PATJ: variants seen among roughly 807,000 people sequenced by gnomAD.
The protein encoded by PATJ is PATJ crumbs cell polarity complex component, also known as inaD-like protein.
PATJ carries 190 observed loss-of-function variants against 224.9 expected under a neutral mutation model. The observed-to-expected ratio is 0.84, with a 90% CI of 0.75 to 0.95. The LOEUF (loss-of-function observed/expected upper bound fraction) is 0.95, where lower values mean the gene tolerates loss of function less well. Ranked by LOEUF, PATJ falls within the 40% of genes least tolerant of loss-of-function variation. The probability of loss-of-function intolerance (pLI) is 0.00; values close to 1 mark genes in which losing one functional copy is unlikely to be tolerated. For synonymous variants in PATJ, 769 were observed against 820.3 expected (o/e 0.94, Z 1.07); for missense variants, 2,121 against 2,270.3 (o/e 0.93, Z 1.34).
intron 14 of PATJ, among the ~76,000 whole-genome samples, chr1:61,811,679 G>A (rs1250056556): frequency 1.4e-5 from 2 of 147,430 alleles, no homozygotes; most frequent in East Asian, 2.0e-4. Flanking sequence ...CATCTATTAA[G>A]TGCTTAATTT....
chr1:61,881,954 C>T lies in PATJ; in HGVS notation c.2960-2283C>T, dbSNP rs556196612. Among the ~76,000 whole-genome samples the T allele has an allele frequency of 1.4e-3, 213 of 152,204 alleles. 2 individuals are homozygous for T. The Middle Eastern group carries it at 0.02, about 15-fold the overall frequency. ...TGTAGATTTCTTTGTTTTTCTACTT[C>T]GGAAAACAGTATACTCATATTTTTT... On this transcript the variant is annotated intron_variant, in intron 21 of 43. Transcript: ENST00000642238.
chr1:61,801,404 A>G (rs1234458243), intron 11 of PATJ, among the ~76,000 whole-genome samples: 1 of 152,170 alleles, frequency 6.6e-6, no homozygotes, highest in African/African-American at 2.4e-5. Flanking sequence ...TAATCCATTA[A>G]TAAGTTCATT....
At chr1:61,873,367 G>A (rs564933433) in intron 20 of PATJ, among the ~76,000 whole-genome samples, 25 of 151,792 alleles carry the variant, frequency 1.6e-4, no homozygotes, top group African/African-American at 5.1e-4. Context: ...ATGGGGTTTC[G>A]CCATATTGAC....
chr1:61,855,937 C>A, intron 17 of PATJ, 93 bp from the exon 18 acceptor site: 1 of 851,672 alleles, frequency 1.2e-6, no homozygotes, highest in South Asian at 1.5e-5. Context: ...AGTAAGTGGT[C>A]AAATAAGATT....
chr1:61,797,280 G>A lies in PATJ; in HGVS notation c.1261-7G>A. The A allele has an allele frequency of 1.2e-6, 2 of 1,610,034 alleles. No individual in the cohort carries two copies. Among genetic ancestry groups the A allele is most frequent in the Non-Finnish European group, 1.7e-6 (2 of 1,176,578 alleles). ...ACCTCTGCTTAATGTTTCTCTTGAT[G>A]TTTTAGGTCGATGGCGTGAACATTC... is the stretch of plus-strand genomic sequence containing the variant. On this transcript the variant is annotated splice_region_variant and splice_polypyrimidine_tract_variant and intron_variant, in intron 10 of 43. Coordinates refer to ENST00000642238, the MANE Select transcript of PATJ (RefSeq NM_001350145.3).
chr1:62,130,702 T>G (rs1449840642), intron 41 of PATJ, among the ~76,000 whole-genome samples: 1 of 151,618 alleles, frequency 6.6e-6, no homozygotes, highest in East Asian at 1.9e-4. Context: ...ATACAAAAAA[T>G]TAGCCGGGCA....
At chr1:62,029,687 T>C (rs1248356651) in intron 29 of PATJ, among the ~76,000 whole-genome samples, 1 of 152,146 alleles carries the variant, frequency 6.6e-6, no homozygotes, top group African/African-American at 2.4e-5. Context: ...GTTTAGAAAT[T>C]CAAAGGAGCA....
chr1:61,995,240 CT>C (rs1200865919), intron 28 of PATJ, among the ~76,000 whole-genome samples: 1 of 152,164 alleles, frequency 6.6e-6, no homozygotes, highest in Non-Finnish European at 1.5e-5. Context: ...GCTTTACCCC[CT>C]GACACTGTTT....
In PATJ at chr1:62,092,807, T is replaced by A. The variant is rs111746053; in HGVS notation, c.4377+8159T>A. ...CCCAGGCAGGAGTACAGTGGTACGA[T>A]CTTGGCTCACTACGGCCTCCGCCTC... On this transcript the variant is annotated intron_variant, in intron 33 of 43. Transcript: ENST00000642238. Among the ~76,000 whole-genome samples, 529 of 152,110 alleles carry A rather than the reference T, an allele frequency of 3.5e-3. 3 individuals carry two copies. Among genetic ancestry groups the A allele is most frequent in the Middle Eastern group, 0.014 (4 of 290 alleles).
chr1:61,952,448 T>C (rs777720760), intron 27 of PATJ: 17 of 717,088 alleles, frequency 2.4e-5, no homozygotes, highest in Non-Finnish European at 3.9e-5. Flanking sequence ...TGTGGTTCTT[T>C]CGGAATGCAA....
chr1:61,936,432 CAAAAAAAAA>C (rs11455787), intron 27 of PATJ, among the ~76,000 whole-genome samples: 1 of 92,736 alleles, frequency 1.1e-5, no homozygotes, highest in Non-Finnish European at 2.0e-5. Context: ...CTTCCAAGAC[CAAAAAAAAA>C]AAAAAAAAAA....
chr1:61,941,448 C>T (rs1282844171), intron 27 of PATJ, among the ~76,000 whole-genome samples: 6 of 152,088 alleles, frequency 3.9e-5, no homozygotes, highest in Non-Finnish European at 8.8e-5. Context: ...ATCAGGAGTT[C>T]AAGACCAGCC....
chr1:62,146,733 C>T (rs1441578516), intron 41 of PATJ, among the ~76,000 whole-genome samples: 2 of 151,796 alleles, frequency 1.3e-5, no homozygotes, highest in African/African-American at 2.4e-5. Context: ...GCCAAGATCA[C>T]GCCATTGCAC....
intron 27 of PATJ, among the ~76,000 whole-genome samples, chr1:61,976,037 T>C (rs1644110832): frequency 6.6e-6 from 1 of 152,016 alleles, no homozygotes; most frequent in Non-Finnish European, 1.5e-5. Context: ...GGTCTTCCTG[T>C]CTCTTTGTCC....
chr1:61,801,914 A>C, intron 12 of PATJ, 145 bp downstream of exon 12: 1 of 491,056 alleles, frequency 2.0e-6, no homozygotes, highest in East Asian at 3.5e-5. Flanking sequence ...TTTTTTTTTG[A>C]GACAGAGTTT....
chr1:61,981,670 ATTCT>A (rs1433070715), intron 27 of PATJ, among the ~76,000 whole-genome samples: 1 of 149,878 alleles, frequency 6.7e-6, no homozygotes, highest in Non-Finnish European at 1.5e-5. Context: ...ATTTGTTGTG[ATTCT>A]TTTTTTTTTT....
intron 43 of PATJ, among the ~76,000 whole-genome samples, chr1:62,156,369 A>C (rs533217810): frequency 6.6e-6 from 1 of 151,892 alleles, no homozygotes; most frequent in South Asian, 2.1e-4. Flanking sequence ...ATCTCTACTA[A>C]GAATACAAAA....
chr1:61,993,452 A>G (rs1171184018), intron 28 of PATJ, among the ~76,000 whole-genome samples: 1 of 152,144 alleles, frequency 6.6e-6, no homozygotes, highest in African/African-American at 2.4e-5. Context: ...GGCATGAGCA[A>G]TTATTACCTC....
At chr1:62,031,451 G>C (rs914947743) in intron 29 of PATJ, among the ~76,000 whole-genome samples, 2 of 152,182 alleles carry the variant, frequency 1.3e-5, no homozygotes, top group Admixed American at 1.3e-4. Flanking sequence ...TATGTTAATA[G>C]ATAAAACACC....
Sources: gnomAD v4.1 joint callset for allele counts (sites outside exome capture counted in the v4.1 genomes callset) on GRCh38, gnomAD v4.1.1 for gene constraint, MANE v1.5 for transcripts, NCBI Gene and HGNC (gene_info 2026-07-23, HGNC 2026-07-21) for gene names.